GRHL1: variants seen among roughly 807,000 people sequenced by gnomAD.
The protein encoded by GRHL1 is grainyhead like transcription factor 1, also known as grainyhead-like protein 1 homolog.
A neutral mutation model predicts 75.7 loss-of-function variants in GRHL1; 38 were observed. The observed-to-expected ratio is 0.50, with a 90% confidence interval of 0.39 to 0.66. GRHL1 has a LOEUF of 0.66. Ranked by LOEUF, GRHL1 falls within the 30% of genes least tolerant of loss-of-function variation. GRHL1 has a pLI of 0.00. For synonymous variants in GRHL1, 266 were observed against 279.4 expected (o/e 0.95, Z 0.48); for missense variants, 589 against 767.5 (o/e 0.77, Z 2.75).
rs1048928851 is a variant in GRHL1 at position 9,990,478 on chromosome 2, T to C, written c.1270-218T>C. ...AATTTTGCTTTATTTGTTTTTCAAATAAATGTTGTTCCCTGTGATTTCATA... is the reference window on the plus strand; with the variant it reads ...AATTTTGCTTTATTTGTTTTTCAAACAAATGTTGTTCCCTGTGATTTCATA... On this transcript the variant is annotated intron_variant, in intron 9 of 15. Coordinates refer to ENST00000324907, the MANE Select transcript of GRHL1 (RefSeq NM_198182.3). The surrounding 1 kb of genome is among the most constrained non-coding windows in gnomAD (Gnocchi z 4.2). 2.0e-5 allele frequency among the ~76,000 whole-genome samples: 3 copies of C among 152,180 alleles called. No individual in the cohort carries two copies. Among genetic ancestry groups the C allele is most frequent in the African/African-American group, 7.2e-5 (3 of 41,450 alleles).
intron 12 of GRHL1, among the ~76,000 whole-genome samples, chr2:9,993,783 TTAA>T (rs1221202724): frequency 6.6e-6 from 1 of 152,252 alleles, no homozygotes; most frequent in Non-Finnish European, 1.5e-5. Context: ...GGTCACTTGA[TTAA>T]GCTGGTATCT....
At chr2:9,984,656 G>A (rs1009723889) in intron 8 of GRHL1, among the ~76,000 whole-genome samples, 1 of 152,168 alleles carries the variant, frequency 6.6e-6, no homozygotes, top group African/African-American at 2.4e-5. Context: ...CGAAGGTGGG[G>A]GATCCCCCTG....
At chr2:9,964,136 C>T (rs1357496812) in intron 6 of GRHL1, 94 bp downstream of exon 6, 3 of 1,347,350 alleles carry the variant, frequency 2.2e-6, no homozygotes, top group East Asian at 4.6e-5. Flanking sequence ...CCTGAAATTG[C>T]AGCTTTAAGC....
At chr2:9,953,456 C>A (rs894383700) in intron 1 of GRHL1, among the ~76,000 whole-genome samples, 6 of 152,206 alleles carry the variant, frequency 3.9e-5, no homozygotes, top group African/African-American at 1.4e-4. Flanking sequence ...TTTGTGTAAG[C>A]AATCTTCTCC....
chr2:9,981,459 G>A (rs1396570900), intron 8 of GRHL1, among the ~76,000 whole-genome samples: 1 of 152,246 alleles, frequency 6.6e-6, no homozygotes, highest in Non-Finnish European at 1.5e-5. Flanking sequence ...CAACTTAGAG[G>A]ATGGTTTAGA....
chr2:10,000,523 A>G (rs2163338), intron 15 of GRHL1, 70 bp from the exon 16 acceptor site: 281,791 of 779,580 alleles, frequency 0.36, 53,291 homozygotes, highest in Admixed American at 0.53. Flanking sequence ...GAGAGCTAAC[A>G]GGTCAATCTA....
At position 9,956,560 on chromosome 2, in the gene GRHL1, G is replaced by C. The variant is rs1667034481; in HGVS notation, c.207+1459G>C. On this transcript the variant is annotated intron_variant, in intron 2 of 15. Transcript: ENST00000324907. Reference sequence around the variant, plus strand: ...AAATGGGGTGATTATTTCCTAGTATGAGGCCATGCGTCTAACTAAGTTGGG... The same window carrying C: ...AAATGGGGTGATTATTTCCTAGTATCAGGCCATGCGTCTAACTAAGTTGGG... Among the ~76,000 whole-genome samples the C allele has an allele frequency of 2.6e-5, 4 of 152,008 alleles. No individual in the cohort carries two copies. The South Asian group carries it at 8.3e-4, about 32-fold the overall frequency.
chr2:9,962,413 T>G (rs750879283), intron 4 of GRHL1, 42 bp from the exon 5 acceptor site: 1 of 1,122,524 alleles, frequency 8.9e-7, no homozygotes, highest in South Asian at 1.2e-5. Flanking sequence ...GTAAGCATGA[T>G]AACCAGTTAA....
chr2:9,997,174 T>C (rs1668900627), intron 14 of GRHL1, among the ~76,000 whole-genome samples: 1 of 152,198 alleles, frequency 6.6e-6, no homozygotes, highest in African/African-American at 2.4e-5. Context: ...GCTTGCTTCA[T>C]GCCAGGCACT....
intron 8 of GRHL1, among the ~76,000 whole-genome samples, chr2:9,966,586 T>TA (rs1246742111): frequency 6.6e-6 from 1 of 152,226 alleles, no homozygotes; most frequent in African/African-American, 2.4e-5. Context: ...TTCTTTTATT[T>TA]ATTCAATAAG....
chr2:9,974,070 A>G (rs984563530), intron 8 of GRHL1, among the ~76,000 whole-genome samples: 3 of 152,188 alleles, frequency 2.0e-5, no homozygotes, highest in Admixed American at 6.5e-5. Flanking sequence ...TTTTTCCACA[A>G]GGTGCTTCTC....
Position 9,961,989 on chromosome 2 carries a change from G to A in GRHL1, c.670-466G>A, listed in dbSNP as rs75334263. On this transcript the variant is annotated intron_variant, in intron 4 of 15. Transcript: ENST00000324907. ...GAAACCATACTTAGTGACTTGGTGGGGTAAAGAGCATCCATCTCTGCGTAT... is the reference window on the plus strand; with the variant it reads ...GAAACCATACTTAGTGACTTGGTGGAGTAAAGAGCATCCATCTCTGCGTAT... Among the ~76,000 whole-genome samples, 12 of 152,218 alleles carry A rather than the reference G, an allele frequency of 7.9e-5. No homozygotes were observed. The East Asian group carries it at 2.3e-3, about 29-fold the overall frequency.
chr2:9,967,220 T>C (rs925547057), intron 8 of GRHL1, among the ~76,000 whole-genome samples: 2 of 152,244 alleles, frequency 1.3e-5, no homozygotes, highest in Non-Finnish European at 2.9e-5. Context: ...GCTCAGTCCT[T>C]TCCCCTTGAT....
intron 8 of GRHL1, chr2:9,965,680 G>C: frequency 2.8e-6 from 1 of 354,892 alleles, no homozygotes; most frequent in Non-Finnish European, 5.2e-6. Flanking sequence ...CATTTGCACA[G>C]TGGAGGTGAT....
At chr2:9,965,449 C>A in intron 8 of GRHL1, 68 bp downstream of exon 8, 1 of 840,100 alleles carries the variant, frequency 1.2e-6, no homozygotes, top group Non-Finnish European at 2.0e-6. Context: ...AATGATTTGA[C>A]AACTGATTTT....
rs535127574 is a variant in GRHL1 at position 9,964,321 on chromosome 2, C to T, written c.990C>T (p.Thr330=). 7 of 1,604,244 alleles carry T rather than the reference C, an allele frequency of 4.4e-6. No individual in the cohort carries two copies. The highest frequency in any genetic ancestry group is 4.5e-5 in the East Asian group (2 of 44,850). ...AGTACTGGCACTCCCGGCAGCACAC[C>T]GCTAAACAAAGATGCATTGACATAG... is the stretch of plus-strand genomic sequence containing the variant. ...HWKYWHSRQH[T]AKQRCIDIAD... Residue 330 remains threonine (T), a synonymous_variant, in exon 7 of 16, where the codon ACC becomes ACT. Transcript: ENST00000324907.
Position 9,986,300 on chromosome 2 carries a change from G to A in GRHL1, c.1269+18G>A, listed in dbSNP as rs747024783. On this transcript the variant is annotated intron_variant, in intron 9 of 15. Coordinates refer to ENST00000324907, the MANE Select transcript of GRHL1 (RefSeq NM_198182.3). ...GTGACAAGGTAAGATCGGCAGGGATGCTTGGAACAAGTGTTTGAGACACAC... is the reference window on the plus strand; with the variant it reads ...GTGACAAGGTAAGATCGGCAGGGATACTTGGAACAAGTGTTTGAGACACAC... 1.2e-6 allele frequency: 2 copies of A among 1,602,792 alleles called. No homozygotes were observed. The highest frequency in any genetic ancestry group is 3.4e-5 in the Admixed American group (2 of 58,446).
intron 2 of GRHL1, among the ~76,000 whole-genome samples, chr2:9,958,157 G>A (rs934769552): frequency 3.3e-5 from 5 of 150,980 alleles, no homozygotes; most frequent in Non-Finnish European, 5.9e-5. Flanking sequence ...AACCAGGGCA[G>A]AGGTATTTCT....
Position 9,964,229 on chromosome 2 carries a change from TCA to T in GRHL1, c.904-3_904-2del. On this transcript the variant is annotated splice_region_variant and splice_polypyrimidine_tract_variant and intron_variant, in intron 6 of 15. Transcript: ENST00000324907. Reference sequence around the variant, plus strand: ...TCTTTATGTTGTAATGCATTCTCTTTCACAGAGTGTGATCATGGTGGTTTTTG... The same window carrying T: ...TCTTTATGTTGTAATGCATTCTCTTTCAGAGTGTGATCATGGTGGTTTTTG... The T allele has an allele frequency of 1.9e-6, 3 of 1,571,036 alleles. No homozygotes were observed. The highest frequency in any genetic ancestry group is 2.6e-6 in the Non-Finnish European group (3 of 1,144,212).
Sources: gnomAD v4.1 joint callset for allele counts (sites outside exome capture counted in the v4.1 genomes callset) on GRCh38, gnomAD v4.1.1 for gene constraint, Gnocchi (gnomAD v3.1) non-coding constraint, MANE v1.5 for transcripts, NCBI Gene and HGNC (gene_info 2026-07-23, HGNC 2026-07-21) for gene names.